AUTS2: variants seen among roughly 807,000 people sequenced by gnomAD.
AUTS2 encodes autism susceptibility gene 2 protein.
AUTS2 carries 17 observed loss-of-function variants against 112.4 expected under a neutral mutation model. The ratio of observed to expected loss-of-function variants is 0.15; its 90% CI spans 0.10 to 0.23. The LOEUF (loss-of-function observed/expected upper bound fraction) is 0.23. Among genes scored for constraint, AUTS2 ranks in the 10% least tolerant of loss-of-function variants. AUTS2 has a pLI of 1.00. For missense variants in AUTS2, 1,510 were observed against 1,701.6 expected, an observed-to-expected ratio of 0.89 and a Z score of 1.98; for synonymous variants, 751 against 702.7, an observed-to-expected ratio of 1.07 and a Z score of -1.09.
intron 5 of AUTS2, among the ~76,000 whole-genome samples, chr7:70,644,631 A>G (rs1806051235): frequency 6.6e-6 from 1 of 150,812 alleles, no homozygotes; most frequent in African/African-American, 2.4e-5. Flanking sequence ...CCTACCTTCC[A>G]GCAAATGCCC....
At chr7:70,338,163 C>T (rs982477061) in intron 4 of AUTS2, among the ~76,000 whole-genome samples, 1 of 152,156 alleles carries the variant, frequency 6.6e-6, no homozygotes, top group Non-Finnish European at 1.5e-5. Context: ...GCACTCTCTG[C>T]TCTACATTTA....
intron 1 of AUTS2, among the ~76,000 whole-genome samples, chr7:69,610,463 T>G (rs1583934155): frequency 6.6e-6 from 1 of 152,310 alleles, no homozygotes; most frequent in African/African-American, 2.4e-5. Context: ...TTTTATCAAC[T>G]ATAGTACTCC....
intron 5 of AUTS2, chr7:70,436,585 A>T (rs557679023): frequency 1.3e-5 from 2 of 152,322 alleles, no homozygotes; most frequent in African/African-American, 4.8e-5. Context: ...GAGTTACCTG[A>T]ATATCACGGT....
intron 1 of AUTS2, among the ~76,000 whole-genome samples, chr7:69,830,589 A>T (rs945122979): frequency 3.9e-5 from 6 of 152,196 alleles, no homozygotes; most frequent in African/African-American, 1.4e-4. Context: ...AGTGATCTGT[A>T]TCACATCCTC....
intron 5 of AUTS2, among the ~76,000 whole-genome samples, chr7:70,473,576 G>A (rs1305091239): frequency 6.6e-6 from 1 of 152,136 alleles, no homozygotes; most frequent in South Asian, 2.1e-4. Flanking sequence ...CAGGCCTCTC[G>A]TATCCTGTGG....
chr7:70,285,145 C>G (rs909274772), intron 4 of AUTS2, among the ~76,000 whole-genome samples: 1 of 151,970 alleles, frequency 6.6e-6, no homozygotes, highest in Non-Finnish European at 1.5e-5. Flanking sequence ...CTCTATGAGC[C>G]TCTCTGCTGT....
chr7:70,183,285 G>A (rs1809419239), intron 4 of AUTS2, among the ~76,000 whole-genome samples: 1 of 152,134 alleles, frequency 6.6e-6, no homozygotes, highest in African/African-American at 2.4e-5. Context: ...ATTGGAGGCT[G>A]GGCTTGTTTA....
intron 2 of AUTS2, among the ~76,000 whole-genome samples, chr7:69,919,859 C>G (rs774222599): frequency 6.6e-5 from 10 of 152,216 alleles, no homozygotes; most frequent in African/African-American, 1.9e-4. Context: ...TATGTGATAC[C>G]TACAAAGAAC....
chr7:70,538,416 G>T (rs1800412211), intron 5 of AUTS2, among the ~76,000 whole-genome samples: 1 of 152,256 alleles, frequency 6.6e-6, no homozygotes, highest in East Asian at 1.9e-4. Flanking sequence ...TCTGCCACCT[G>T]CTACTTGGGA....
chr7:70,749,362 A>AG (rs895228746), intron 6 of AUTS2, among the ~76,000 whole-genome samples: 1 of 151,822 alleles, frequency 6.6e-6, no homozygotes, highest in Non-Finnish European at 1.5e-5. Flanking sequence ...CGGCACGGGG[A>AG]GGGGGGTCCG....
intron 1 of AUTS2, among the ~76,000 whole-genome samples, chr7:69,627,081 C>T (rs1224281148): frequency 6.6e-6 from 1 of 152,206 alleles, no homozygotes; most frequent in African/African-American, 2.4e-5. Flanking sequence ...TTCATTCATT[C>T]ATTCGTCACT....
At chr7:70,554,357 C>CTG (rs1801154924) in intron 5 of AUTS2, among the ~76,000 whole-genome samples, 1 of 150,258 alleles carries the variant, frequency 6.7e-6, no homozygotes, top group East Asian at 1.9e-4. Flanking sequence ...GCGTGAGCCA[C>CTG]TGTGCCCGGC....
At chr7:70,057,987 C>T (rs1802069217) in intron 2 of AUTS2, among the ~76,000 whole-genome samples, 1 of 152,084 alleles carries the variant, frequency 6.6e-6, no homozygotes, top group Non-Finnish European at 1.5e-5. Flanking sequence ...GGTGATATAT[C>T]TATCATGGTA....
At chr7:69,840,648 G>T (rs1458286278) in intron 1 of AUTS2, among the ~76,000 whole-genome samples, 1 of 152,144 alleles carries the variant, frequency 6.6e-6, no homozygotes, top group East Asian at 1.9e-4. Context: ...AAAAATTCTT[G>T]AACTCATAGT....
At chr7:69,968,309 C>T (rs1160248445) in intron 2 of AUTS2, among the ~76,000 whole-genome samples, 1 of 152,104 alleles carries the variant, frequency 6.6e-6, no homozygotes, top group Admixed American at 6.5e-5. Flanking sequence ...GAGATGATCT[C>T]TTTACTGTCT....
chr7:70,007,503 A>T (rs1235448446), intron 2 of AUTS2, among the ~76,000 whole-genome samples: 1 of 152,188 alleles, frequency 6.6e-6, no homozygotes, highest in African/African-American at 2.4e-5. Context: ...TGGTGGTAGT[A>T]GTAGTGGTGA....
Position 70,792,468 on chromosome 7 carries a change from C to T in AUTS2, c.*1472C>T, listed in dbSNP as rs1401689684. 1.4e-5 allele frequency: 2 copies of T among 141,536 alleles called. No individual in the cohort carries two copies. The highest frequency in any genetic ancestry group is 1.5e-5 in the Non-Finnish European group (1 of 66,486). 8.8% of individuals were successfully genotyped at this position (141,536 alleles called of 1,614,324 possible). On this transcript the variant is annotated 3_prime_UTR_variant, in exon 19 of 19. Coordinates refer to ENST00000342771, the MANE Select transcript of AUTS2 (RefSeq NM_015570.4). ...TCTAGTATATTAAAGTGCTATCTGA[C>T]GTTGTTATCCTGTTTTTGCAAAAAA... is the stretch of plus-strand genomic sequence containing the variant.
intron 5 of AUTS2, among the ~76,000 whole-genome samples, chr7:70,561,174 G>A (rs903560565): frequency 1.3e-5 from 2 of 152,052 alleles, no homozygotes; most frequent in Admixed American, 6.6e-5. Flanking sequence ...GAGATCACAG[G>A]CTCCCTCTCC....
intron 4 of AUTS2, among the ~76,000 whole-genome samples, chr7:70,429,546 G>A (rs537346858): frequency 6.6e-6 from 1 of 152,334 alleles, no homozygotes; most frequent in South Asian, 2.1e-4. Flanking sequence ...AGTGGGCGTG[G>A]TTGAAGCAAG....
Sources: allele counts gnomAD v4.1 joint callset (sites outside exome capture counted in the v4.1 genomes callset), GRCh38; gene constraint gnomAD v4.1.1; transcripts MANE v1.5; gene names NCBI Gene and HGNC (gene_info 2026-07-23, HGNC 2026-07-21).